Variants in SCN9A observed in about 807,000 individuals in gnomAD.
SCN9A encodes the protein sodium channel protein type 9 subunit alpha.
A neutral mutation model predicts 187.0 loss-of-function variants in SCN9A; 131 were observed. The ratio of observed to expected loss-of-function variants is 0.70; its 90% CI spans 0.61 to 0.81. The LOEUF (loss-of-function observed/expected upper bound fraction) is 0.81, where lower values mean the gene tolerates loss of function less well. Among genes scored for constraint, SCN9A ranks in the 30% least tolerant of loss-of-function variants. The pLI, the probability that SCN9A is intolerant of heterozygous loss-of-function variation, is 0.00. For synonymous variants in SCN9A, 809 were observed against 808.6 expected (o/e 1.00, Z -0.01); for missense variants, 2,252 against 2,396.6 (o/e 0.94, Z 1.26).
At chr2:166,259,362 A>G (rs879546181) in intron 17 of SCN9A, 10 of 151,768 alleles carry the variant, frequency 6.6e-5, no homozygotes, top group Non-Finnish European at 1.2e-4. Flanking sequence ...GTGTTTTAAA[A>G]TGTTTAAAGT....
Position 166,294,585 on chromosome 2 carries a change from C to A in SCN9A, c.965+14G>T, listed in dbSNP as rs923314647. The A allele has an allele frequency of 6.3e-7, 1 of 1,598,322 alleles. No individual in the cohort carries two copies. The highest frequency in any genetic ancestry group is 8.6e-7 in the Non-Finnish European group (1 of 1,168,832). On this transcript the variant is annotated intron_variant, in intron 8 of 26. Transcript: ENST00000642356. ...TTCAGCCTTTAGACTAAAAAGAAAA[C>A]AAATATTACATACCCTGAATCTGTG... is the stretch of plus-strand genomic sequence containing the variant.
At chr2:166,233,630 G>T (rs1278646072) in intron 20 of SCN9A, among the ~76,000 whole-genome samples, 168 bp from the exon 21 acceptor site, 2 of 151,960 alleles carry the variant, frequency 1.3e-5, no homozygotes, top group African/African-American at 4.8e-5. Flanking sequence ...GTTTCTGTAA[G>T]GAAATAGATT....
At chr2:166,310,453 A>G (rs1456911295) in intron 2 of SCN9A, among the ~76,000 whole-genome samples, 1 of 85,490 alleles carries the variant, frequency 1.2e-5, no homozygotes, top group East Asian at 2.5e-4. Context: ...ACATGAACAG[A>G]CACTTCTCAA....
intron 26 of SCN9A, 82 bp downstream of exon 26, chr2:166,203,873 A>G (rs1693663845): frequency 1.2e-6 from 1 of 858,712 alleles, no homozygotes; most frequent in Non-Finnish European, 1.8e-6. Flanking sequence ...TTTGTGTTCA[A>G]GAATTCAGCA....
intron 17 of SCN9A, among the ~76,000 whole-genome samples, chr2:166,260,754 T>G (rs573105724): frequency 2.6e-4 from 40 of 151,878 alleles, no homozygotes; most frequent in African/African-American, 8.7e-4. Context: ...TCATAGAAAA[T>G]TTTAATGTGT....
rs548080434 is a variant in SCN9A, at chr2:166,277,442, A to G, written c.2518-103T>C. On this transcript the variant is annotated intron_variant, in intron 15 of 26. Transcript: ENST00000642356. ...GGGTAAAGCAGACTTTAAGTCCTAT[A>G]ATATTGTCATTATTATCCAGCTAAA... The G allele has an allele frequency of 3.8e-5, 26 of 675,496 alleles. No homozygotes were observed. In the African/African-American group the frequency reaches 4.2e-4, roughly 11 times the overall value. 41.8% of individuals were successfully genotyped at this position (675,496 alleles called of 1,614,324 possible). A position where few individuals can be genotyped will look rare whatever the true frequency, so the allele number is the denominator to read the frequency against.
intron 16 of SCN9A, among the ~76,000 whole-genome samples, chr2:166,274,711 A>C (rs1043862354): frequency 4.6e-5 from 7 of 152,150 alleles, no homozygotes; most frequent in African/African-American, 1.4e-4. Flanking sequence ...TGAGTTAGTT[A>C]ACACTAATTC....
intron 4 of SCN9A, 101 bp from the exon 5 acceptor site, chr2:166,306,021 T>C: frequency 1.5e-6 from 2 of 1,378,778 alleles, no homozygotes; most frequent in Middle Eastern, 2.0e-4. Context: ...GGAAGACATA[T>C]ATTGGAGGAT....
chr2:166,223,247 C>CCTTA (rs1363187362), intron 24 of SCN9A, among the ~76,000 whole-genome samples: 1 of 152,122 alleles, frequency 6.6e-6, no homozygotes, highest in Non-Finnish European at 1.5e-5. Flanking sequence ...ATCTCAGAGT[C>CCTTA]CTTACTTCCA....
chr2:166,267,992 C>G (rs1236372264), intron 17 of SCN9A, among the ~76,000 whole-genome samples: 1 of 151,942 alleles, frequency 6.6e-6, no homozygotes, highest in East Asian at 1.9e-4. Context: ...ATGTCTTTCA[C>G]ACACTAAAAT....
rs201743233 is a variant in SCN9A, at chr2:166,303,195, G to T, written c.796C>A (p.Leu266Met). ...TTATGCTTCAGGTTTCCCATGAACA[G>T]CTGTAGTCCAATTAGTGCAAACACA... Reference protein sequence around the residue: ...LSVFALIGLQLFMGNLKHKCF... With the variant: ...LSVFALIGLQMFMGNLKHKCF... Residue 266 changes from leucine to methionine, a missense_variant, in exon 7 of 27, where the codon CTG becomes ATG. This residue lies in a region of SCN9A where 1,013 missense variants were observed against 997.4 expected (regional missense o/e 1.02). Coordinates refer to ENST00000642356, the MANE Select transcript of SCN9A (RefSeq NM_001365536.1). 9 of 1,613,484 alleles carry T rather than the reference G, an allele frequency of 5.6e-6. No homozygotes were observed. The highest frequency in any genetic ancestry group is 1.6e-4 in the Middle Eastern group (1 of 6,080).
At chr2:166,250,010 CTG>C (rs1319456496) in intron 18 of SCN9A, among the ~76,000 whole-genome samples, 1 of 152,140 alleles carries the variant, frequency 6.6e-6, no homozygotes, top group African/African-American at 2.4e-5. Context: ...TTAAAGGAAA[CTG>C]TGCATTTGCT....
At chr2:166,364,162 A>G (rs933059813) in intron 1 of SCN9A, among the ~76,000 whole-genome samples, 2 of 73,650 alleles carry the variant, frequency 2.7e-5, no homozygotes, top group Non-Finnish European at 4.8e-5. Flanking sequence ...GTTATTGTTT[A>G]AAAAAAAAAA....
chr2:166,302,785 A>G (rs1698612732), intron 7 of SCN9A: 2 of 153,790 alleles, frequency 1.3e-5, no homozygotes. Context: ...TGTTAAATGT[A>G]ATGGTTAATG....
chr2:166,228,781 G>C lies in SCN9A; in HGVS notation c.4116C>G (p.Ala1372=). ...SQVPNRSECF[A]LMNVSQNVRW... ...GCACATTTTGACTAACATTCATAAG[G>C]GCAAAACATTCGGAACGATTTGGAA... The change falls in exon 22 of 27, where the codon GCC becomes GCG. Residue 1372 remains alanine (A), a synonymous_variant. Transcript: ENST00000642356. 1 of 1,613,764 alleles carries C rather than the reference G, an allele frequency of 6.2e-7. No homozygotes were observed. The highest frequency in any genetic ancestry group is 8.5e-7 in the Non-Finnish European group (1 of 1,179,814).
chr2:166,362,107 T>G (rs1288717992), intron 1 of SCN9A, among the ~76,000 whole-genome samples: 1 of 152,124 alleles, frequency 6.6e-6, no homozygotes, highest in Non-Finnish European at 1.5e-5. Flanking sequence ...AGACATTGTT[T>G]GAGAATCTAT....
At chr2:166,256,105 T>C (rs1242118218) in intron 17 of SCN9A, among the ~76,000 whole-genome samples, 2 of 151,424 alleles carry the variant, frequency 1.3e-5, no homozygotes, top group Non-Finnish European at 3.0e-5. Flanking sequence ...GACAACTAGA[T>C]GTTTAAATAC....
intron 17 of SCN9A, among the ~76,000 whole-genome samples, chr2:166,259,522 TCTA>T (rs1420849133): frequency 1.3e-5 from 2 of 151,840 alleles, no homozygotes; most frequent in Non-Finnish European, 2.9e-5. Context: ...ATAATTCTAC[TCTA>T]CTATTTAAAA....
chr2:166,206,088 T>C (rs1693789721), intron 24 of SCN9A, among the ~76,000 whole-genome samples: 1 of 152,178 alleles, frequency 6.6e-6, no homozygotes, highest in Admixed American at 6.5e-5. Flanking sequence ...AGTTCAACCA[T>C]TGTGGAAGAC....
Sources: allele counts gnomAD v4.1 joint callset (sites outside exome capture counted in the v4.1 genomes callset), GRCh38; gene constraint gnomAD v4.1.1; regional missense constraint gnomAD v4.1.1; transcripts MANE v1.5; gene names NCBI Gene and HGNC (gene_info 2026-07-23, HGNC 2026-07-21).